The following CSMD1 variants were observed in gnomAD, a reference collection of about 807,000 sequenced individuals.
The protein encoded by CSMD1 is CUB and Sushi multiple domains 1.
In CSMD1, 213 loss-of-function variants were observed where a neutral mutation model predicts 417.5. That is an observed-to-expected ratio of 0.51 (90% confidence interval 0.46 to 0.57). The LOEUF (loss-of-function observed/expected upper bound fraction) is 0.57, where lower values mean the gene tolerates loss of function less well. CSMD1 is among the 20% of genes least tolerant of loss of function. The pLI is 0.00. For synonymous variants in CSMD1, 2,862 were observed against 1,736.8 expected (o/e 1.65, Z -16.11); for missense variants, 6,923 against 4,529.7 (o/e 1.53, Z -15.17).
chr8:3,188,265 C>T (rs1030685740), intron 35 of CSMD1, among the ~76,000 whole-genome samples: 37 of 147,688 alleles, frequency 2.5e-4, no homozygotes, highest in African/African-American at 9.2e-4. Flanking sequence ...ACAAAACAAA[C>T]CATGAAAGAA....
intron 1 of CSMD1, among the ~76,000 whole-genome samples, chr8:4,834,792 T>C (rs1394414967): frequency 6.7e-6 from 1 of 150,258 alleles, no homozygotes; most frequent in Non-Finnish European, 1.5e-5. Context: ...CCGTCTCTAC[T>C]AAAAACACAA....
chr8:3,491,115 T>G (rs750154735), intron 11 of CSMD1, among the ~76,000 whole-genome samples: 4 of 152,130 alleles, frequency 2.6e-5, no homozygotes, highest in Non-Finnish European at 5.9e-5. Flanking sequence ...ACTTCACAGC[T>G]GCTTATAGAA....
rs532033913 is a variant in CSMD1, at chr8:2,966,027, C to G, written c.9101-73G>C. On this transcript the variant is annotated intron_variant, in intron 58 of 69. Transcript: ENST00000635120. ...AAATGAATTAGTCACCATTTCTATTCAAGATACTCTCTCTGAGTTGCTATT... is the reference window on the plus strand; with the variant it reads ...AAATGAATTAGTCACCATTTCTATTGAAGATACTCTCTCTGAGTTGCTATT... 70 of 1,316,538 alleles carry G rather than the reference C, an allele frequency of 5.3e-5. No individual in the cohort carries two copies. The African/African-American group carries it at 9.9e-4, about 19-fold the overall frequency. 81.6% of individuals were successfully genotyped at this position (1,316,538 alleles called of 1,614,324 possible).
chr8:3,148,648 A>G (rs1818998404), intron 40 of CSMD1, among the ~76,000 whole-genome samples: 1 of 152,246 alleles, frequency 6.6e-6, no homozygotes, highest in Admixed American at 6.5e-5. Context: ...GTTTTTCACT[A>G]TAAAACAATG....
At chr8:2,983,694 T>C (rs1019259714) in intron 54 of CSMD1, among the ~76,000 whole-genome samples, 1 of 152,194 alleles carries the variant, frequency 6.6e-6, no homozygotes, top group Non-Finnish European at 1.5e-5. Flanking sequence ...CAGCACTCTT[T>C]CCTACAAGCA....
chr8:4,409,541 T>C (rs972561282), intron 3 of CSMD1, among the ~76,000 whole-genome samples: 1 of 152,192 alleles, frequency 6.6e-6, no homozygotes, highest in Non-Finnish European at 1.5e-5. Context: ...GGCAGCTCAT[T>C]GTTAATTCAG....
At chr8:3,895,440 C>A (rs1033198023) in intron 5 of CSMD1, among the ~76,000 whole-genome samples, 2 of 151,986 alleles carry the variant, frequency 1.3e-5, no homozygotes, top group African/African-American at 4.8e-5. Flanking sequence ...CAGTGTCAAT[C>A]CACAATGTTT....
intron 57 of CSMD1, among the ~76,000 whole-genome samples, chr8:2,967,334 A>C (rs574941921): frequency 6.6e-6 from 1 of 152,312 alleles, no homozygotes; most frequent in East Asian, 1.9e-4. Context: ...AGCTGTGTTA[A>C]TTGGCTTTGA....
At chr8:4,938,251 A>G (rs913006228) in intron 1 of CSMD1, among the ~76,000 whole-genome samples, 2 of 152,216 alleles carry the variant, frequency 1.3e-5, no homozygotes, top group African/African-American at 2.4e-5. Context: ...ATGGATTTCA[A>G]TAATTTCCAA....
In CSMD1 at chr8:3,348,083, T is replaced by C. The variant is rs770408698; in HGVS notation, c.3383A>G (p.His1128Arg). 1.9e-6 allele frequency: 3 copies of C among 1,612,628 alleles called. No homozygotes were observed. The highest frequency in any genetic ancestry group is 2.5e-6 in the Non-Finnish European group (3 of 1,179,016). The change falls in exon 22 of 70, where the codon CAT becomes CGT. Residue 1128 changes from histidine (H) to arginine (R), a missense_variant. Transcript: ENST00000635120. ...TGTTTCTATTTTATAGATACACTCA[T>C]GGTTATTATCATAATTGGATGGAAA... ...PNFPSNYDNN[H>R]ECIYKIETEA...
intron 3 of CSMD1, among the ~76,000 whole-genome samples, chr8:4,212,632 G>A (rs1356610563): frequency 6.6e-6 from 1 of 151,484 alleles, no homozygotes; most frequent in Admixed American, 6.6e-5. Context: ...GTCTACTACT[G>A]CCACCATGTT....
intron 3 of CSMD1, among the ~76,000 whole-genome samples, chr8:4,268,048 G>C (rs1049777687): frequency 2.0e-5 from 3 of 152,000 alleles, no homozygotes; most frequent in African/African-American, 7.2e-5. Context: ...TGAAAAGTGT[G>C]TTCACAATTT....
At chr8:4,733,228 A>T (rs1217930607) in intron 1 of CSMD1, among the ~76,000 whole-genome samples, 3 of 152,240 alleles carry the variant, frequency 2.0e-5, no homozygotes, top group Non-Finnish European at 2.9e-5. Context: ...TAATTCAAAA[A>T]GTTCATTTCC....
chr8:4,717,346 T>TATATATATATATAC (rs1808732072), intron 1 of CSMD1, among the ~76,000 whole-genome samples: 1 of 138,484 alleles, frequency 7.2e-6, no homozygotes, highest in African/African-American at 2.9e-5. Flanking sequence ...CACGTATATA[T>TATATATATATATAC]ACACACACAT....
chr8:3,634,442 G>C (rs1039907682), intron 7 of CSMD1, among the ~76,000 whole-genome samples: 1 of 152,186 alleles, frequency 6.6e-6, no homozygotes, highest in Non-Finnish European at 1.5e-5. Context: ...CGTCATTCCT[G>C]GGAGAATTAA....
At chr8:3,372,225 G>A (rs1309549834) in intron 18 of CSMD1, among the ~76,000 whole-genome samples, 2 of 152,120 alleles carry the variant, frequency 1.3e-5, no homozygotes, top group East Asian at 1.9e-4. Flanking sequence ...GAATACCTGG[G>A]GAACAATTTG....
chr8:4,116,753 C>T (rs1401063596), intron 3 of CSMD1, among the ~76,000 whole-genome samples: 4 of 151,994 alleles, frequency 2.6e-5, no homozygotes, highest in Non-Finnish European at 4.4e-5. Flanking sequence ...CGTGGAGAGG[C>T]AGGGGGTGCG....
chr8:4,704,324 G>C (rs942257713), intron 1 of CSMD1, among the ~76,000 whole-genome samples: 3 of 152,176 alleles, frequency 2.0e-5, no homozygotes, highest in Admixed American at 6.5e-5. Context: ...GTGTCTTACT[G>C]TACTCACAAA....
At chr8:3,726,709 C>G (rs141374279) in intron 6 of CSMD1, among the ~76,000 whole-genome samples, 3 of 152,014 alleles carry the variant, frequency 2.0e-5, no homozygotes, top group East Asian at 1.9e-4. Context: ...GTATATTTAC[C>G]TATGGGCCCT....
Sources: gnomAD v4.1 joint callset for allele counts (sites outside exome capture counted in the v4.1 genomes callset) on GRCh38, gnomAD v4.1.1 for gene constraint, MANE v1.5 for transcripts, NCBI Gene and HGNC (gene_info 2026-07-23, HGNC 2026-07-21) for gene names.